The following B3GALNT2 variants were observed in gnomAD, a reference collection of about 807,000 sequenced individuals.
B3GALNT2 encodes beta-1,3-N-acetylgalactosaminyltransferase 2, also known as UDP-GalNAc:beta-1,3-N-acetylgalactosaminyltransferase 2.
Under a neutral mutation model 61.1 loss-of-function variants are expected in B3GALNT2, and 53 were observed. The ratio of observed to expected loss-of-function variants is 0.87; its 90% confidence interval spans 0.70 to 1.09. The LOEUF (loss-of-function observed/expected upper bound fraction) is 1.09. Ranked by LOEUF, B3GALNT2 falls within the 50% of genes least tolerant of loss-of-function variation. B3GALNT2 has a pLI of 0.00. For synonymous variants in B3GALNT2, 223 were observed against 237.4 expected (o/e 0.94, Z 0.56); for missense variants, 544 against 623.0 (o/e 0.87, Z 1.35).
rs1385538991 is a variant in B3GALNT2, at chr1:235,449,075, A to G, written c.*1131T>C. The G allele has an allele frequency of 3.0e-6, 1 of 330,840 alleles. No homozygotes were observed. The highest frequency in any genetic ancestry group is 5.8e-6 in the Non-Finnish European group (1 of 173,816). The allele number at this position is 330,840 out of a possible 1,614,324, so 20.5% of individuals were successfully genotyped here. A position where few individuals can be genotyped will look rare whatever the true frequency, so the allele number is the denominator to read the frequency against. On this transcript the variant is annotated 3_prime_UTR_variant, in exon 12 of 12. Transcript: ENST00000366600. ...AAACTAGCTAGCCTAATAAAATCTG[A>G]ACACAGTTAATATCTGTCATAAGAC...
intron 11 of B3GALNT2, chr1:235,451,946 T>C (rs1682930936): frequency 1.3e-5 from 2 of 152,204 alleles, no homozygotes; most frequent in Non-Finnish European, 2.9e-5. Context: ...TCATGCAGTG[T>C]CTTATTTTTA....
intron 10 of B3GALNT2, among the ~76,000 whole-genome samples, chr1:235,453,649 G>A (rs1683033298): frequency 1.3e-5 from 2 of 152,144 alleles, no homozygotes; most frequent in Non-Finnish European, 2.9e-5. Context: ...GTTTTGCCAT[G>A]TTGGCCAGGC....
chr1:235,492,175 G>A (rs1023163990), intron 2 of B3GALNT2, among the ~76,000 whole-genome samples: 10 of 152,176 alleles, frequency 6.6e-5, no homozygotes, highest in African/African-American at 2.4e-4. Flanking sequence ...CAGAAATGCA[G>A]TTTCTGTTAC....
In B3GALNT2 at chr1:235,480,107, C is replaced by T; in HGVS notation, c.598G>A (p.Val200Met). 1.2e-6 allele frequency: 2 copies of T among 1,613,940 alleles called. No homozygotes were observed. Among genetic ancestry groups the T allele is most frequent in the South Asian group, 2.2e-5 (2 of 91,080 alleles). Residue 200 changes from valine (V) to methionine (M), a missense_variant, in exon 5 of 12, where the codon GTG becomes ATG. By Grantham distance (21) the Val-to-Met change is conservative. Coordinates refer to ENST00000366600, the MANE Select transcript of B3GALNT2 (RefSeq NM_152490.5). ...IARFSPPSCG[V>M]QVNKLWYKPV... ...TTGTACCACAGCTTGTTCACCTGCA[C>T]ACCACAGCTTGGAGGACTGAAGCGA... is the stretch of plus-strand genomic sequence containing the variant.
At chr1:235,496,336 A>C in intron 1 of B3GALNT2, 1 of 1,030,794 alleles carries the variant, frequency 9.7e-7, no homozygotes, top group Non-Finnish European at 1.2e-6. Flanking sequence ...GTTCCATTCC[A>C]AATGGAATAG....
At chr1:235,473,675 T>C (rs976632677) in intron 5 of B3GALNT2, among the ~76,000 whole-genome samples, 1 of 152,154 alleles carries the variant, frequency 6.6e-6, no homozygotes, top group East Asian at 1.9e-4. Flanking sequence ...CAGTAATGAA[T>C]GAAATTGCCT....
At chr1:235,444,992 C>T (rs1682147895), downstream of B3GALNT2, among the ~76,000 whole-genome samples, 1 of 152,270 alleles carries the variant, frequency 6.6e-6, no homozygotes, top group African/African-American at 2.4e-5. Flanking sequence ...GTACACCTGA[C>T]TGGTATCCCA....
intron 6 of B3GALNT2, among the ~76,000 whole-genome samples, chr1:235,470,084 A>C (rs1309007587): frequency 6.6e-6 from 1 of 152,076 alleles, no homozygotes; most frequent in Non-Finnish European, 1.5e-5. Context: ...TTTTTAGTAC[A>C]GATGGGGTCT....
At chr1:235,470,022 T>C (rs1371512672) in intron 6 of B3GALNT2, among the ~76,000 whole-genome samples, 1 of 151,868 alleles carries the variant, frequency 6.6e-6, no homozygotes, top group Non-Finnish European at 1.5e-5. Context: ...CTCAGCCACC[T>C]GAGTAGCTGG....
At chr1:235,455,824 T>G in intron 8 of B3GALNT2, 140 bp from the exon 9 acceptor site, 1 of 1,114,392 alleles carries the variant, frequency 9.0e-7, no homozygotes, top group Non-Finnish European at 1.2e-6. Flanking sequence ...GAACATTTGC[T>G]CTAACAAAAT....
downstream of B3GALNT2, among the ~76,000 whole-genome samples, chr1:235,446,419 C>T (rs12039081): frequency 8.9e-4 from 136 of 152,108 alleles, 2 homozygotes; most frequent in East Asian, 0.016. Context: ...TCAGATGATC[C>T]GCCCGCCTCG....
chr1:235,500,172 G>T (rs1685522087), intron 1 of B3GALNT2, among the ~76,000 whole-genome samples: 1 of 152,154 alleles, frequency 6.6e-6, no homozygotes, highest in South Asian at 2.1e-4. Context: ...ACCCTGCACT[G>T]TGAGTGGACA....
In B3GALNT2 at chr1:235,447,586, T is replaced by G. The variant is rs1368157037; in HGVS notation, c.*2620A>C. Reference sequence around the variant, plus strand: ...GTAGATCATTTAGTTGGCACCCTAATTTTACAGAGGGGGAACTAAGGCCAG... The same window carrying G: ...GTAGATCATTTAGTTGGCACCCTAAGTTTACAGAGGGGGAACTAAGGCCAG... On this transcript the variant is annotated 3_prime_UTR_variant, in exon 12 of 12. Coordinates refer to ENST00000366600, the MANE Select transcript of B3GALNT2 (RefSeq NM_152490.5). 1.3e-5 allele frequency among the ~76,000 whole-genome samples: 2 copies of G among 152,148 alleles called. No homozygotes were observed. The highest frequency in any genetic ancestry group is 2.9e-5 in the Non-Finnish European group (2 of 68,030).
rs770367698 is a variant in B3GALNT2, at chr1:235,447,625, C to A, written c.*2581G>T. Among the ~76,000 whole-genome samples the A allele has an allele frequency of 6.6e-6, 1 of 152,126 alleles. No individual in the cohort carries two copies. The highest frequency in any genetic ancestry group is 1.5e-5 in the Non-Finnish European group (1 of 68,018). On this transcript the variant is annotated 3_prime_UTR_variant, in exon 12 of 12. Transcript: ENST00000366600. ...AACTAAGGCCAGAGTTGAGAGATGT[C>A]CTCAGGATACCTGAGTCCCATTCCA...
intron 2 of B3GALNT2, among the ~76,000 whole-genome samples, chr1:235,492,067 A>G (rs187189550): frequency 1.3e-5 from 2 of 152,316 alleles, no homozygotes; most frequent in African/African-American, 4.8e-5. Flanking sequence ...TTATCTCTGT[A>G]TTCTACCACA....
intron 9 of B3GALNT2, among the ~76,000 whole-genome samples, 192 bp from the exon 10 acceptor site, chr1:235,454,507 C>T (rs1011283515): frequency 2.6e-5 from 4 of 152,050 alleles, no homozygotes; most frequent in East Asian, 1.9e-4. Context: ...GGTGCCATCT[C>T]GGCTCACTGC....
Position 235,455,714 on chromosome 1 carries a change from GT to G in B3GALNT2, c.1026-31del, listed in dbSNP as rs1683136659. 7 of 1,593,766 alleles carry G rather than the reference GT, an allele frequency of 4.4e-6. 1 individual carries two copies. The Middle Eastern group carries it at 6.6e-4, about 151-fold the overall frequency. On this transcript the variant is annotated intron_variant, in intron 8 of 11. Coordinates refer to ENST00000366600, the MANE Select transcript of B3GALNT2 (RefSeq NM_152490.5). Reference sequence around the variant, plus strand: ...TGACACAAAAGGGATAAGAAAGTCAGTGCGACCAAACAAACAAACACCAATG... The same window carrying G: ...TGACACAAAAGGGATAAGAAAGTCAGGCGACCAAACAAACAAACACCAATG...
intron 11 of B3GALNT2, among the ~76,000 whole-genome samples, chr1:235,452,640 C>T (rs377092289): frequency 1.3e-4 from 20 of 152,218 alleles, no homozygotes; most frequent in African/African-American, 4.6e-4. Flanking sequence ...CCTCGACCTC[C>T]CAGGCTCAAG....
intron 3 of B3GALNT2, 122 bp from the exon 4 acceptor site, chr1:235,484,637 T>C: frequency 2.9e-6 from 4 of 1,389,494 alleles, no homozygotes; most frequent in Non-Finnish European, 3.7e-6. Context: ...AATTCACAAA[T>C]GGCAGGAATT....
Sources: allele counts gnomAD v4.1 joint callset (sites outside exome capture counted in the v4.1 genomes callset), GRCh38; gene constraint gnomAD v4.1.1; transcripts MANE v1.5; gene names NCBI Gene and HGNC (gene_info 2026-07-23, HGNC 2026-07-21).